PTPRN2: variants seen among roughly 807,000 people sequenced by gnomAD.
PTPRN2 encodes the protein protein tyrosine phosphatase receptor type N2.
Under a neutral mutation model 118.8 loss-of-function variants are expected in PTPRN2, and 74 were observed. The observed-to-expected ratio is 0.62, with a 90% CI of 0.52 to 0.76. The LOEUF (loss-of-function observed/expected upper bound fraction) is 0.76. Among genes scored for constraint, PTPRN2 ranks in the 30% least tolerant of loss-of-function variants. PTPRN2 has a pLI of 0.00. For synonymous variants in PTPRN2, 641 were observed against 608.0 expected (o/e 1.05, Z -0.80); for missense variants, 1,481 against 1,394.4 (o/e 1.06, Z -0.99).
At chr7:158,180,061 G>A (rs558156286) in intron 5 of PTPRN2, among the ~76,000 whole-genome samples, 6 of 152,330 alleles carry the variant, frequency 3.9e-5, no homozygotes, top group Admixed American at 3.9e-4. Flanking sequence ...TTTTCAATAA[G>A]GTTGCTTTCT....
intron 2 of PTPRN2, among the ~76,000 whole-genome samples, chr7:158,414,484 G>C (rs1814478620): frequency 6.6e-6 from 1 of 152,134 alleles, no homozygotes; most frequent in Non-Finnish European, 1.5e-5. Context: ...TACAGTAATT[G>C]CATCTGTGAG....
intron 12 of PTPRN2, among the ~76,000 whole-genome samples, chr7:157,743,916 G>A (rs545575735): frequency 1.3e-5 from 2 of 152,344 alleles, no homozygotes; most frequent in South Asian, 2.1e-4. Context: ...CACCAGCCAC[G>A]GAAGTCGCAG....
chr7:157,652,443 C>T (rs1261379888), intron 14 of PTPRN2, among the ~76,000 whole-genome samples: 12 of 152,226 alleles, frequency 7.9e-5, no homozygotes, highest in African/African-American at 2.9e-4. Flanking sequence ...AACAGCAAAG[C>T]GTCTCAGCTC....
rs553397898 is a variant in PTPRN2, at chr7:157,690,305, G to A, written c.1789-7368C>T. Among the ~76,000 whole-genome samples, 46 of 152,326 alleles carry A rather than the reference G, an allele frequency of 3.0e-4. No individual in the cohort carries two copies. The highest frequency in any genetic ancestry group is 1.1e-3 in the African/African-American group (45 of 41,586). ...CCCCTGCCGGCCCAAGCCTTTGACAGGAGTCCTGCGGCGAGGCAGAGACCC... is the reference window on the plus strand; with the variant it reads ...CCCCTGCCGGCCCAAGCCTTTGACAAGAGTCCTGCGGCGAGGCAGAGACCC... On this transcript the variant is annotated intron_variant, in intron 12 of 22. Coordinates refer to ENST00000389418, the MANE Select transcript of PTPRN2 (RefSeq NM_002847.5). The surrounding 1 kb of genome is among the most constrained non-coding windows in gnomAD (Gnocchi z 7.1).
At chr7:157,570,752 C>T (rs1252058230) in intron 20 of PTPRN2, among the ~76,000 whole-genome samples, 2 of 152,182 alleles carry the variant, frequency 1.3e-5, no homozygotes, top group Non-Finnish European at 2.9e-5. Context: ...ACATAACTGG[C>T]CCCAAGCATT....
chr7:157,569,331 C>T (rs1489501505), intron 20 of PTPRN2, among the ~76,000 whole-genome samples: 1 of 152,256 alleles, frequency 6.6e-6, no homozygotes, highest in Non-Finnish European at 1.5e-5. Flanking sequence ...AAAATATCTG[C>T]AAGGTGCCTT....
At chr7:157,997,250 C>T (rs892999911) in intron 11 of PTPRN2, among the ~76,000 whole-genome samples, 5 of 152,212 alleles carry the variant, frequency 3.3e-5, no homozygotes, top group Admixed American at 1.3e-4. Flanking sequence ...GGAGCAACTG[C>T]GCCCCTGGGC....
At chr7:158,331,368 A>G (rs1158280987) in intron 2 of PTPRN2, among the ~76,000 whole-genome samples, 63 of 114,852 alleles carry the variant, frequency 5.5e-4, no homozygotes, top group Non-Finnish European at 8.4e-4. Flanking sequence ...AAGAGCTGAC[A>G]CCCGCAGAAG....
Position 158,252,612 on chromosome 7 carries a change from C to A in PTPRN2, c.278-47339G>T, listed in dbSNP as rs184957569. Among the ~76,000 whole-genome samples, 390 of 152,312 alleles carry A rather than the reference C, an allele frequency of 2.6e-3. 5 individuals are homozygous for A. Among genetic ancestry groups the A allele is most frequent in the African/African-American group, 9.0e-3 (374 of 41,576 alleles). On this transcript the variant is annotated intron_variant, in intron 3 of 22. Transcript: ENST00000389418. ...AGGACAGGGTAGGAAGGCCCCACCA[C>A]CCCATCTCCAGGCACCTGGCTTTCA...
At chr7:157,798,372 C>G (rs922289540) in intron 12 of PTPRN2, among the ~76,000 whole-genome samples, 1 of 152,196 alleles carries the variant, frequency 6.6e-6, no homozygotes, top group Admixed American at 6.5e-5. Context: ...GACAAGGATG[C>G]CTCTGTGACC....
chr7:157,643,139 T>C (rs1271586267), intron 14 of PTPRN2, among the ~76,000 whole-genome samples: 1 of 152,220 alleles, frequency 6.6e-6, no homozygotes. Context: ...TAACCCACCA[T>C]CTGTCATACT....
chr7:157,689,418 G>C (rs1481423199), intron 12 of PTPRN2, among the ~76,000 whole-genome samples: 1 of 152,208 alleles, frequency 6.6e-6, no homozygotes, highest in Non-Finnish European at 1.5e-5. Flanking sequence ...TCGGTGACTT[G>C]AACCGCGTCG....
chr7:158,123,735 A>G (rs955798795), intron 9 of PTPRN2, among the ~76,000 whole-genome samples: 3 of 152,258 alleles, frequency 2.0e-5, no homozygotes, highest in African/African-American at 7.2e-5. Context: ...TTTAAATGCC[A>G]GCAGCTAACT....
rs1800627380 is a variant in PTPRN2, at chr7:157,585,516, ACCACCGTGGGT to A, written c.2497-7387_2497-7377del. Among the ~76,000 whole-genome samples the A allele has an allele frequency of 6.6e-6, 1 of 152,130 alleles. No individual in the cohort carries two copies. Reference sequence around the variant, plus strand: ...TTCCTCTCCACCCGGCCTTTGTGTGACCACCGTGGGTGCCTTTGTGATCAGGCATTGGACCC... The same window carrying A: ...TTCCTCTCCACCCGGCCTTTGTGTGAGCCTTTGTGATCAGGCATTGGACCC... On this transcript the variant is annotated intron_variant, in intron 17 of 22. Transcript: ENST00000389418. The surrounding 1 kb of genome is among the most constrained non-coding windows in gnomAD (Gnocchi z 5.2).
At chr7:157,571,040 T>A (rs1585046143) in intron 20 of PTPRN2, among the ~76,000 whole-genome samples, 3 of 151,556 alleles carry the variant, frequency 2.0e-5, no homozygotes, top group Admixed American at 1.3e-4. Flanking sequence ...AGGTCAGGAG[T>A]TCAAGACCAG....
rs1800959668 is a variant in PTPRN2, at chr7:157,953,396, A to G, written c.1724-54659T>C. Among the ~76,000 whole-genome samples, 1 of 151,630 alleles carries G rather than the reference A, an allele frequency of 6.6e-6. No individual in the cohort carries two copies. Among genetic ancestry groups the G allele is most frequent in the African/African-American group, 2.4e-5 (1 of 41,260 alleles). On this transcript the variant is annotated intron_variant, in intron 11 of 22. Transcript: ENST00000389418. The surrounding 1 kb of genome is among the most constrained non-coding windows in gnomAD (Gnocchi z 4.6). ...GAACTCAGGAGCAGGGGCTGGCGGC[A>G]CTCCCCGGGCACAGAGGGAACGGCC...
intron 10 of PTPRN2, among the ~76,000 whole-genome samples, chr7:158,086,226 G>A (rs1813400564): frequency 6.6e-6 from 1 of 151,664 alleles, no homozygotes; most frequent in Admixed American, 6.5e-5. Flanking sequence ...TGCTGAGGGG[G>A]AGTTAGGAAC....
At chr7:158,412,412 G>A (rs1814207960) in intron 2 of PTPRN2, among the ~76,000 whole-genome samples, 1 of 93,322 alleles carries the variant, frequency 1.1e-5, no homozygotes. Flanking sequence ...GCCCTCCTCA[G>A]CACCAGGGCC....
chr7:157,927,719 G>A (rs1213437333), intron 11 of PTPRN2, among the ~76,000 whole-genome samples: 4 of 151,988 alleles, frequency 2.6e-5, no homozygotes, highest in Non-Finnish European at 5.9e-5. Flanking sequence ...GGAAGCAGGA[G>A]GGAAGCGAGG....
Sources: gnomAD v4.1 joint callset for allele counts (sites outside exome capture counted in the v4.1 genomes callset) on GRCh38, gnomAD v4.1.1 for gene constraint, Gnocchi (gnomAD v3.1) non-coding constraint, MANE v1.5 for transcripts, NCBI Gene and HGNC (gene_info 2026-07-23, HGNC 2026-07-21) for gene names.